The following EXOC4 variants were observed in gnomAD, a reference collection of about 807,000 sequenced individuals.
EXOC4 encodes SEC8-like 1.
Under a neutral mutation model 107.2 loss-of-function variants are expected in EXOC4, and 71 were observed. That is an observed-to-expected ratio of 0.66 (90% CI 0.55 to 0.81). The LOEUF is 0.81. Ranked by LOEUF, EXOC4 falls within the 30% of genes least tolerant of loss-of-function variation. EXOC4 has a pLI of 0.00. For synonymous variants in EXOC4, 456 were observed against 441.2 expected (o/e 1.03, Z -0.42); for missense variants, 1,108 against 1,189.6 (o/e 0.93, Z 1.01).
chr7:133,712,300 A>G (rs1242055499), intron 10 of EXOC4, among the ~76,000 whole-genome samples: 5 of 151,970 alleles, frequency 3.3e-5, no homozygotes, highest in Non-Finnish European at 5.9e-5. Context: ...TTAGCTGGGC[A>G]TGGTGGTACA....
intron 10 of EXOC4, among the ~76,000 whole-genome samples, chr7:133,803,023 A>G (rs1249158304): frequency 4.6e-5 from 7 of 152,218 alleles, no homozygotes; most frequent in Non-Finnish European, 7.3e-5. Context: ...AACTGAATAC[A>G]TAAATGGTAA....
intron 17 of EXOC4, among the ~76,000 whole-genome samples, chr7:134,012,632 A>G (rs552525814): frequency 6.6e-6 from 1 of 152,218 alleles, no homozygotes; most frequent in South Asian, 2.1e-4. Context: ...GGAGCCGGCA[A>G]TACAACCTGG....
intron 10 of EXOC4, among the ~76,000 whole-genome samples, chr7:133,690,202 GGA>G (rs1794390088): frequency 6.6e-6 from 1 of 152,110 alleles, no homozygotes; most frequent in Non-Finnish European, 1.5e-5. Flanking sequence ...GTGTAGTGCG[GGA>G]GCTCAGTCCA....
chr7:133,487,246 A>G (rs926994866), intron 9 of EXOC4, among the ~76,000 whole-genome samples: 1 of 152,228 alleles, frequency 6.6e-6, no homozygotes, highest in African/African-American at 2.4e-5. Context: ...ATACTTGGTC[A>G]TCACACAGAA....
chr7:134,074,680 G>A, the EXOC4 span, among the ~76,000 whole-genome samples: 165 of 152,290 alleles, frequency 1.1e-3, no homozygotes, highest in South Asian at 9.5e-3. Context: ...GCATTTGGGA[G>A]CCCCCAGGTG....
intron 7 of EXOC4, among the ~76,000 whole-genome samples, chr7:133,464,586 A>AGAT (rs1798671874): frequency 6.6e-6 from 1 of 152,140 alleles, no homozygotes; most frequent in African/African-American, 2.4e-5. Context: ...GTGACCTTAT[A>AGAT]GATGGAGTAT....
chr7:133,715,409 G>A (rs1482968361), intron 10 of EXOC4, among the ~76,000 whole-genome samples: 11 of 151,972 alleles, frequency 7.2e-5, no homozygotes, highest in African/African-American at 2.2e-4. Context: ...CCACAAAAAC[G>A]GATCCGGTCT....
intron 14 of EXOC4, among the ~76,000 whole-genome samples, chr7:133,940,594 C>T (rs1336235698): frequency 6.6e-6 from 1 of 152,256 alleles, no homozygotes; most frequent in East Asian, 1.9e-4. Context: ...TCAAGCAAGC[C>T]TGGTTTATCC....
At chr7:134,040,051 T>C (rs1010989746) in intron 17 of EXOC4, among the ~76,000 whole-genome samples, 2 of 152,190 alleles carry the variant, frequency 1.3e-5, no homozygotes, top group Non-Finnish European at 1.5e-5. Flanking sequence ...TGTCAGCCCT[T>C]CATATCCTGT....
At chr7:133,812,960 G>A (rs1403590297) in intron 10 of EXOC4, among the ~76,000 whole-genome samples, 3 of 152,132 alleles carry the variant, frequency 2.0e-5, no homozygotes, top group Non-Finnish European at 2.9e-5. Flanking sequence ...AGGGACTGGC[G>A]AAACAGCCTT....
intron 9 of EXOC4, among the ~76,000 whole-genome samples, chr7:133,579,827 C>T (rs1449961649): frequency 1.3e-5 from 2 of 152,086 alleles, no homozygotes; most frequent in Admixed American, 6.6e-5. Flanking sequence ...GCTGGGACTA[C>T]AGGCACGCGC....
At chr7:133,546,004 A>T (rs1477604757) in intron 9 of EXOC4, among the ~76,000 whole-genome samples, 1 of 152,220 alleles carries the variant, frequency 6.6e-6, no homozygotes, top group Admixed American at 6.5e-5. Flanking sequence ...TCTAGTCTAG[A>T]TATGATTTAA....
intron 7 of EXOC4, among the ~76,000 whole-genome samples, chr7:133,444,358 C>T (rs1798170533): frequency 6.6e-6 from 1 of 152,128 alleles, no homozygotes; most frequent in South Asian, 2.1e-4. Context: ...TGGACATATA[C>T]TTAGCTAGGT....
At chr7:134,012,193 T>A (rs1473014686) in intron 17 of EXOC4, among the ~76,000 whole-genome samples, 1 of 152,126 alleles carries the variant, frequency 6.6e-6, no homozygotes, top group African/African-American at 2.4e-5. Context: ...GAGTGCTACA[T>A]AATGTGAATC....
intron 14 of EXOC4, among the ~76,000 whole-genome samples, chr7:133,948,713 C>T (rs956366566): frequency 6.6e-6 from 1 of 152,158 alleles, no homozygotes; most frequent in African/African-American, 2.4e-5. Context: ...ATCCCTGCCT[C>T]AAGCCGTAGT....
At chr7:133,696,410 C>T (rs1000093066) in intron 10 of EXOC4, among the ~76,000 whole-genome samples, 3 of 152,298 alleles carry the variant, frequency 2.0e-5, no homozygotes, top group South Asian at 2.1e-4. Flanking sequence ...TGACTCTCCT[C>T]CTCTGTCCTA....
chr7:133,966,539 G>A (rs2971980), intron 14 of EXOC4, among the ~76,000 whole-genome samples: 106,208 of 152,012 alleles, frequency 0.7, 37,511 homozygotes, highest in East Asian at 0.91. Flanking sequence ...GCATGAAGAG[G>A]TGTTGAATTT....
At chr7:133,383,943 G>A (rs1796672461) in intron 7 of EXOC4, among the ~76,000 whole-genome samples, 1 of 152,114 alleles carries the variant, frequency 6.6e-6, no homozygotes, top group Admixed American at 6.5e-5. Flanking sequence ...TGGATAATAT[G>A]CTGCCAAATG....
At chr7:133,377,654 A>G (rs536221147) in intron 7 of EXOC4, among the ~76,000 whole-genome samples, 3 of 152,304 alleles carry the variant, frequency 2.0e-5, no homozygotes, top group African/African-American at 7.2e-5. Flanking sequence ...TTGTTGAGAA[A>G]CATAAACCCA....
Sources: allele counts gnomAD v4.1 joint callset (sites outside exome capture counted in the v4.1 genomes callset), GRCh38; gene constraint gnomAD v4.1.1; transcripts MANE v1.5; gene names NCBI Gene and HGNC (gene_info 2026-07-23, HGNC 2026-07-21).